The following MCHR2 variants were observed in gnomAD, a reference collection of about 807,000 sequenced individuals.
The protein encoded by MCHR2 is melanin concentrating hormone receptor 2, also known as melanin-concentrating hormone receptor 2.
In MCHR2, 15 loss-of-function variants were observed where a neutral mutation model predicts 24.8. The observed-to-expected ratio is 0.60, with a 90% CI of 0.40 to 0.93. MCHR2 has a LOEUF of 0.93. MCHR2 is among the 40% of genes least tolerant of loss of function. The pLI is 0.00. For missense variants in MCHR2, 386 were observed against 408.7 expected, an observed-to-expected ratio of 0.94 and a Z score of 0.48; for synonymous variants, 151 against 147.6, an observed-to-expected ratio of 1.02 and a Z score of -0.17.
At chr6:99,982,715 G>A (rs1422923377) in intron 1 of MCHR2, among the ~76,000 whole-genome samples, 3 of 152,024 alleles carry the variant, frequency 2.0e-5, no homozygotes, top group Admixed American at 2.0e-4. Context: ...AACTCTTGAT[G>A]GAGAAGTGGA....
chr6:99,959,935 G>C (rs973067997), intron 1 of MCHR2, among the ~76,000 whole-genome samples: 2 of 151,682 alleles, frequency 1.3e-5, no homozygotes, highest in Admixed American at 6.6e-5. Flanking sequence ...AAAAAGAAGA[G>C]AAAGAAAGGG....
intron 1 of MCHR2, among the ~76,000 whole-genome samples, chr6:99,972,814 T>A (rs952274753): frequency 2.6e-5 from 4 of 152,210 alleles, no homozygotes; most frequent in Non-Finnish European, 5.9e-5. Flanking sequence ...TTCATTTTGT[T>A]ATGTACCCAG....
At chr6:99,987,090 G>GTATT (rs71024682) in intron 1 of MCHR2, among the ~76,000 whole-genome samples, 55,584 of 149,406 alleles carry the variant, frequency 0.37, 10,793 homozygotes, top group African/African-American at 0.4. Context: ...GTGTTGTGTT[G>GTATT]TATTTATTTA....
chr6:99,986,882 T>C (rs1008493553), intron 1 of MCHR2, among the ~76,000 whole-genome samples: 1 of 150,486 alleles, frequency 6.6e-6, no homozygotes, highest in African/African-American at 2.4e-5. Context: ...CATGTATATA[T>C]ATCCATAAGT....
At chr6:99,978,395 G>C (rs897488864) in intron 1 of MCHR2, among the ~76,000 whole-genome samples, 1 of 150,570 alleles carries the variant, frequency 6.6e-6, no homozygotes, top group Non-Finnish European at 1.5e-5. Flanking sequence ...ACAGAGTCTG[G>C]AAGAGGCTAT....
At chr6:99,942,483 C>T (rs1157767674) in intron 4 of MCHR2, among the ~76,000 whole-genome samples, 1 of 152,166 alleles carries the variant, frequency 6.6e-6, no homozygotes, top group Non-Finnish European at 1.5e-5. Context: ...ATGACCTTAA[C>T]TTAGCTTGAT....
chr6:99,970,143 C>T (rs1388505958), intron 1 of MCHR2, among the ~76,000 whole-genome samples: 2 of 151,254 alleles, frequency 1.3e-5, no homozygotes, highest in Non-Finnish European at 2.9e-5. Context: ...ACACTGACTT[C>T]CACAATGGTT....
chr6:99,989,745 C>A (rs1311329359), intron 1 of MCHR2, among the ~76,000 whole-genome samples: 2 of 152,074 alleles, frequency 1.3e-5, no homozygotes, highest in African/African-American at 4.8e-5. Context: ...GATACAGAGG[C>A]TCTCTGTAAA....
intron 1 of MCHR2, among the ~76,000 whole-genome samples, chr6:99,983,903 C>A (rs1459962295): frequency 6.6e-6 from 1 of 152,052 alleles, no homozygotes; most frequent in African/African-American, 2.4e-5. Context: ...GAATTTAACT[C>A]CTTTACATCT....
rs916379330 is a variant in MCHR2 at position 99,932,214 on chromosome 6, T to G, written c.707+2184A>C. 8.5e-5 allele frequency among the ~76,000 whole-genome samples: 13 copies of G among 152,326 alleles called. 1 individual carries two copies. The East Asian group carries it at 2.3e-3, about 27-fold the overall frequency. On this transcript the variant is annotated intron_variant, in intron 5 of 5. Transcript: ENST00000281806. ...TCTCCTGGCATGTAAAGTTCAAAGCTGGAACATTTTGAGAGACCAAATAAA... is the reference window on the plus strand; with the variant it reads ...TCTCCTGGCATGTAAAGTTCAAAGCGGGAACATTTTGAGAGACCAAATAAA...
chr6:99,930,631 C>G (rs1207318598), intron 5 of MCHR2, among the ~76,000 whole-genome samples: 3 of 152,172 alleles, frequency 2.0e-5, no homozygotes, highest in Non-Finnish European at 4.4e-5. Flanking sequence ...CGATCGCCAT[C>G]AGCTCCTGAG....
At chr6:99,951,325 C>T (rs1774959868) in intron 2 of MCHR2, among the ~76,000 whole-genome samples, 1 of 152,140 alleles carries the variant, frequency 6.6e-6, no homozygotes, top group Non-Finnish European at 1.5e-5. Flanking sequence ...TGAGTCCTCA[C>T]ACAGGACAGA....
rs772943529 is a variant in MCHR2, at chr6:99,947,746, A to G, written c.392+16T>C. On this transcript the variant is annotated intron_variant, in intron 3 of 5. Transcript: ENST00000281806. ...CCTCTGAATTATATTAAGATATTTC[A>G]AAGTCTTTCACTTACCTGTCCACAC... 6.2e-7 allele frequency: 1 copy of G among 1,609,260 alleles called. No individual in the cohort carries two copies. The highest frequency in any genetic ancestry group is 1.1e-5 in the South Asian group (1 of 90,202).
chr6:99,981,607 A>C (rs1775670589), intron 1 of MCHR2, among the ~76,000 whole-genome samples: 1 of 152,156 alleles, frequency 6.6e-6, no homozygotes, highest in Non-Finnish European at 1.5e-5. Flanking sequence ...GGAATAATAT[A>C]ACCCATTGCA....
At chr6:99,991,535 G>A (rs2397687) in intron 1 of MCHR2, among the ~76,000 whole-genome samples, 91,838 of 151,988 alleles carry the variant, frequency 0.6, 27,828 homozygotes, top group Middle Eastern at 0.66. Context: ...GCCGGGGCGC[G>A]GTGGCTCACG....
chr6:99,923,210 G>A (rs1360944611), intron 5 of MCHR2, among the ~76,000 whole-genome samples: 1 of 152,026 alleles, frequency 6.6e-6, no homozygotes, highest in Non-Finnish European at 1.5e-5. Context: ...ATATGGAAAT[G>A]CTACTGATTT....
At chr6:99,972,194 A>G (rs1775439549) in intron 1 of MCHR2, among the ~76,000 whole-genome samples, 1 of 151,656 alleles carries the variant, frequency 6.6e-6, no homozygotes, top group Admixed American at 6.6e-5. Context: ...CTGGTTCTGG[A>G]CTCTTTTTGG....
chr6:99,922,302 T>C (rs1463335808), intron 5 of MCHR2, among the ~76,000 whole-genome samples: 3 of 152,038 alleles, frequency 2.0e-5, no homozygotes, highest in African/African-American at 7.2e-5. Context: ...AGAGACAGGG[T>C]TTCACCGTGT....
intron 1 of MCHR2, among the ~76,000 whole-genome samples, chr6:99,978,357 G>A (rs1305332100): frequency 1.3e-5 from 2 of 151,840 alleles, no homozygotes; most frequent in Admixed American, 1.3e-4. Context: ...GTTGTGTTAA[G>A]AGGACATTTC....
Sources: allele counts gnomAD v4.1 joint callset (sites outside exome capture counted in the v4.1 genomes callset), GRCh38; gene constraint gnomAD v4.1.1; transcripts MANE v1.5; gene names NCBI Gene and HGNC (gene_info 2026-07-23, HGNC 2026-07-21).